EXOC2: variants seen among roughly 807,000 people sequenced by gnomAD.
EXOC2 encodes SEC5-like 1.
In EXOC2, 70 loss-of-function variants were observed where a neutral mutation model predicts 131.8. The ratio of observed to expected loss-of-function variants is 0.53; its 90% CI spans 0.44 to 0.65. EXOC2 has a LOEUF of 0.65. EXOC2 is among the 30% of genes least tolerant of loss of function. EXOC2 has a pLI of 0.00. For synonymous variants in EXOC2, 411 were observed against 398.4 expected (o/e 1.03, Z -0.38); for missense variants, 923 against 1,108.6 (o/e 0.83, Z 2.38).
At chr6:603,469 T>C (rs1760216360) in intron 7 of EXOC2, among the ~76,000 whole-genome samples, 1 of 152,168 alleles carries the variant, frequency 6.6e-6, no homozygotes, top group South Asian at 2.1e-4. Flanking sequence ...AGAGCTGACG[T>C]CAGCACGTAC....
At chr6:656,199 G>A (rs762692763) in intron 1 of EXOC2, 1 of 1,614,164 alleles carries the variant, frequency 6.2e-7, no homozygotes, top group Non-Finnish European at 8.5e-7. Context: ...GCACAGGGCC[G>A]TCGTAGGATG....
In EXOC2 at chr6:688,885, G is replaced by C. The variant is rs140351319; in HGVS notation, c.-44+4134C>G. Among the ~76,000 whole-genome samples the C allele has an allele frequency of 6.9e-4, 105 of 152,188 alleles. 2 individuals are homozygous for C. The East Asian group carries it at 0.014, about 21-fold the overall frequency. On this transcript the variant is annotated intron_variant, in intron 1 of 27. Transcript: ENST00000230449. ...CAAACATGGCCTTTTGTCTCGTTTT[G>C]TCTTTTGCTAAAATTATAATACAAT...
rs527343897 is a variant in EXOC2 at position 552,713 on chromosome 6, C to T, written c.2121+1141G>A. Among the ~76,000 whole-genome samples the T allele has an allele frequency of 1.3e-3, 202 of 152,242 alleles. 3 individuals carry two copies. Among genetic ancestry groups the T allele is most frequent in the Non-Finnish European group, 1.4e-3 (92 of 68,006 alleles). On this transcript the variant is annotated intron_variant, in intron 21 of 27. Coordinates refer to ENST00000230449, the MANE Select transcript of EXOC2 (RefSeq NM_018303.6). ...TGGTATCATTCTCTACCTAGTCATC[C>T]AAGGAATTGAATCTAGAATAATTTT...
At chr6:559,515 G>A (rs951897950) in intron 17 of EXOC2, among the ~76,000 whole-genome samples, 3 of 152,190 alleles carry the variant, frequency 2.0e-5, no homozygotes, top group Admixed American at 2.0e-4. Flanking sequence ...CTCCAGACGT[G>A]CTATTTCCTA....
chr6:572,871 T>C (rs566545427), intron 12 of EXOC2, among the ~76,000 whole-genome samples: 2 of 152,276 alleles, frequency 1.3e-5, no homozygotes, highest in Admixed American at 1.3e-4. Flanking sequence ...AGAGCCCCTC[T>C]CCCTCATGGC....
At chr6:549,314 G>GA (rs750618876) in intron 21 of EXOC2, 23 bp from the exon 22 acceptor site, 1 of 1,554,074 alleles carries the variant, frequency 6.4e-7, no homozygotes, top group Non-Finnish European at 8.9e-7. Context: ...CAAATGTTTA[G>GA]AAAATCACCT....
intron 7 of EXOC2, 98 bp from the exon 8 acceptor site, chr6:599,323 T>C (rs1759995733): frequency 9.0e-7 from 1 of 1,105,278 alleles, no homozygotes; most frequent in Non-Finnish European, 1.2e-6. Flanking sequence ...ACTGCTATTG[T>C]AGTTTTACGT....
intron 23 of EXOC2, 28 bp downstream of exon 23, chr6:532,441 C>T (rs991680689): frequency 2.6e-6 from 4 of 1,522,266 alleles, no homozygotes; most frequent in Non-Finnish European, 3.5e-6. Flanking sequence ...ATATCCACAT[C>T]TATTACTCAA....
At chr6:529,681 T>C (rs951461091) in intron 23 of EXOC2, among the ~76,000 whole-genome samples, 1 of 152,202 alleles carries the variant, frequency 6.6e-6, no homozygotes, top group Non-Finnish European at 1.5e-5. Flanking sequence ...CGTACTTACA[T>C]GTGAATCACA....
intron 1 of EXOC2, among the ~76,000 whole-genome samples, chr6:666,139 G>A (rs752909009): frequency 1.3e-4 from 20 of 152,106 alleles, no homozygotes; most frequent in Admixed American, 5.2e-4. Context: ...TTCACAAAAA[G>A]AGTGTGCCAA....
chr6:607,142 T>C (rs1404967904), intron 7 of EXOC2, among the ~76,000 whole-genome samples: 2 of 152,218 alleles, frequency 1.3e-5, no homozygotes, highest in Non-Finnish European at 2.9e-5. Context: ...GTGACTGCCC[T>C]GTGGGAACCG....
At chr6:581,197 G>A (rs548395169) in intron 11 of EXOC2, among the ~76,000 whole-genome samples, 1 of 151,868 alleles carries the variant, frequency 6.6e-6, no homozygotes, top group Non-Finnish European at 1.5e-5. Context: ...TCGAGAGGCT[G>A]AGGCAGGAGA....
intron 23 of EXOC2, among the ~76,000 whole-genome samples, chr6:519,025 C>G (rs907876194): frequency 6.6e-6 from 1 of 152,222 alleles, no homozygotes; most frequent in Non-Finnish European, 1.5e-5. Flanking sequence ...TACTCAATGA[C>G]AAGGACACAG....
chr6:658,671 T>TATATATATATA (rs1243155529), intron 1 of EXOC2, among the ~76,000 whole-genome samples: 4 of 125,376 alleles, frequency 3.2e-5, no homozygotes, highest in Non-Finnish European at 5.2e-5. Flanking sequence ...ATATATTTTT[T>TATATATATATA]TTTTTTTTAG....
chr6:596,500 T>G (rs1392193398), intron 10 of EXOC2, among the ~76,000 whole-genome samples: 1 of 150,420 alleles, frequency 6.6e-6, no homozygotes, highest in African/African-American at 2.5e-5. Flanking sequence ...CCTGAGTGGC[T>G]GGGTCTACAG....
intron 4 of EXOC2, among the ~76,000 whole-genome samples, chr6:620,898 T>G (rs1236925233): frequency 6.6e-6 from 1 of 152,214 alleles, no homozygotes; most frequent in Non-Finnish European, 1.5e-5. Flanking sequence ...ATAGGTGGTC[T>G]GTGCTCTCTG....
At chr6:538,062 T>A (rs962681433) in intron 22 of EXOC2, among the ~76,000 whole-genome samples, 13 of 152,010 alleles carry the variant, frequency 8.6e-5, no homozygotes, top group African/African-American at 1.9e-4. Flanking sequence ...ACCTCATTTT[T>A]TAAAAAAAGA....
chr6:692,712 C>A (rs1045267489), intron 1 of EXOC2, among the ~76,000 whole-genome samples: 3 of 151,910 alleles, frequency 2.0e-5, no homozygotes, highest in African/African-American at 4.8e-5. Flanking sequence ...GGGCCAGCTC[C>A]AGCGGGCGGG....
intron 7 of EXOC2, among the ~76,000 whole-genome samples, chr6:608,815 T>C (rs1348114849): frequency 3.3e-5 from 5 of 152,218 alleles, no homozygotes; most frequent in Non-Finnish European, 7.3e-5. Flanking sequence ...AGTAAACATG[T>C]TTTTTATACA....
Sources: allele counts gnomAD v4.1 joint callset (sites outside exome capture counted in the v4.1 genomes callset), GRCh38; gene constraint gnomAD v4.1.1; transcripts MANE v1.5; gene names NCBI Gene and HGNC (gene_info 2026-07-23, HGNC 2026-07-21).